EPB41L3: variants seen among roughly 807,000 people sequenced by gnomAD.
EPB41L3 encodes the protein band 4.1-like protein 3.
EPB41L3 carries 57 observed loss-of-function variants against 127.1 expected under a neutral mutation model. The ratio of observed to expected loss-of-function variants is 0.45; its 90% CI spans 0.36 to 0.56. The LOEUF (loss-of-function observed/expected upper bound fraction) is 0.56. EPB41L3 is among the 20% of genes least tolerant of loss of function. The pLI is 0.00. For missense variants in EPB41L3, 1,273 were observed against 1,372.2 expected (o/e 0.93, Z 1.14); for synonymous variants, 572 against 549.5 (o/e 1.04, Z -0.57).
chr18:5,502,665 C>G (rs988886779), intron 1 of EPB41L3, among the ~76,000 whole-genome samples: 1 of 152,190 alleles, frequency 6.6e-6, no homozygotes, highest in Admixed American at 6.5e-5. Flanking sequence ...CGAAGCGAAA[C>G]AGAGACTGGG....
At chr18:5,447,065 G>A (rs1381683367) in intron 3 of EPB41L3, among the ~76,000 whole-genome samples, 2 of 152,204 alleles carry the variant, frequency 1.3e-5, no homozygotes, top group Non-Finnish European at 2.9e-5. Context: ...TTGGATGAGA[G>A]AGGCAGACTT....
intron 3 of EPB41L3, among the ~76,000 whole-genome samples, chr18:5,466,141 T>C (rs1345039545): frequency 6.6e-6 from 1 of 152,220 alleles, no homozygotes; most frequent in African/African-American, 2.4e-5. Context: ...ATGCCAGATT[T>C]TCCCTTACTC....
chr18:5,458,713 A>G (rs1389183555), intron 3 of EPB41L3, among the ~76,000 whole-genome samples: 1 of 148,010 alleles, frequency 6.8e-6, no homozygotes, highest in Non-Finnish European at 1.5e-5. Flanking sequence ...TGTACCTAAA[A>G]AGACTGTTCT....
intron 16 of EPB41L3, among the ~76,000 whole-genome samples, chr18:5,404,848 A>G (rs931391241): frequency 6.6e-6 from 1 of 152,326 alleles, no homozygotes; most frequent in African/African-American, 2.4e-5. Flanking sequence ...ATTATTTCCA[A>G]AAGAGGTAGT....
At chr18:5,504,204 A>G (rs1339202724) in intron 1 of EPB41L3, among the ~76,000 whole-genome samples, 1 of 152,116 alleles carries the variant, frequency 6.6e-6, no homozygotes. Context: ...TCCAGACCTT[A>G]CCCAGGACTT....
chr18:5,597,777 C>T (rs1360930367), intron 3 of EPB41L3, among the ~76,000 whole-genome samples: 1 of 152,146 alleles, frequency 6.6e-6, no homozygotes, highest in African/African-American at 2.4e-5. Context: ...GTATCACTGT[C>T]TTCCACACAG....
chr18:5,602,448 T>A (rs2094601789), intron 3 of EPB41L3, among the ~76,000 whole-genome samples: 1 of 152,178 alleles, frequency 6.6e-6, no homozygotes, highest in Non-Finnish European at 1.5e-5. Context: ...TCTTCTGCTC[T>A]CTCTCACTCA....
intron 3 of EPB41L3, among the ~76,000 whole-genome samples, chr18:5,456,853 C>A (rs557947691): frequency 6.6e-6 from 1 of 152,324 alleles, no homozygotes; most frequent in Admixed American, 6.5e-5. Flanking sequence ...CTGAACCCTG[C>A]TAAGAAGATG....
At chr18:5,609,835 C>T (rs1388587129) in intron 3 of EPB41L3, among the ~76,000 whole-genome samples, 1 of 151,456 alleles carries the variant, frequency 6.6e-6, no homozygotes, top group African/African-American at 2.4e-5. Flanking sequence ...GTTGCTTTGT[C>T]ATAAAGAAGC....
chr18:5,433,978 A>C lies in EPB41L3; in HGVS notation c.749T>G (p.Ile250Ser). 6.2e-7 allele frequency: 1 copy of C among 1,614,130 alleles called. No homozygotes were observed. Among genetic ancestry groups the C allele is most frequent in the Non-Finnish European group, 8.5e-7 (1 of 1,180,032 alleles). Reference protein sequence around the residue: ...YDPDECGSDYISEFRFAPNHT... With the variant: ...YDPDECGSDYSSEFRFAPNHT... ...GTTTGGTGCAAAGCGGAACTCACTA[A>C]TGTAATCGCTCCCACATTCATCTGG... The change falls in exon 7 of 23, where the codon ATT becomes AGT. Residue 250 changes from isoleucine to serine, a missense_variant. Transcript: ENST00000341928.
chr18:5,628,077 A>G (rs1008870324), intron 1 of EPB41L3, among the ~76,000 whole-genome samples: 5 of 152,208 alleles, frequency 3.3e-5, no homozygotes, highest in Non-Finnish European at 7.3e-5. Context: ...GTGTAACGAT[A>G]TGGGCACACT....
chr18:5,449,530 G>A (rs2081996264), intron 3 of EPB41L3, among the ~76,000 whole-genome samples: 1 of 148,492 alleles, frequency 6.7e-6, no homozygotes, highest in South Asian at 2.3e-4. Context: ...GCACACAAAT[G>A]TTTATAACAG....
intron 1 of EPB41L3, among the ~76,000 whole-genome samples, chr18:5,538,995 ATTTTTT>A (rs757227800): frequency 5.2e-5 from 6 of 115,198 alleles, no homozygotes; most frequent in East Asian, 2.4e-4. Context: ...TTTCTCCAAG[ATTTTTT>A]TTTTTTTTTT....
intron 22 of EPB41L3, chr18:5,394,444 G>C (rs1433440701): frequency 2.2e-6 from 1 of 458,964 alleles, no homozygotes; most frequent in African/African-American, 1.9e-5. Flanking sequence ...TAGAAGCATA[G>C]ACTCTGCTCT....
chr18:5,433,282 C>A (rs1423215662), intron 8 of EPB41L3, among the ~76,000 whole-genome samples, 187 bp downstream of exon 8: 1 of 152,124 alleles, frequency 6.6e-6, no homozygotes. Context: ...AAAGAGCAAA[C>A]CCCTCAGTAA....
intron 2 of EPB41L3, among the ~76,000 whole-genome samples, chr18:5,485,814 A>G (rs545660666): frequency 6.6e-6 from 1 of 152,116 alleles, no homozygotes; most frequent in Non-Finnish European, 1.5e-5. Flanking sequence ...GAAAACTATA[A>G]AACTCTGATG....
chr18:5,420,321 T>C (rs532319770), intron 11 of EPB41L3: 22 of 193,668 alleles, frequency 1.1e-4, no homozygotes, highest in Non-Finnish European at 2.2e-4. Flanking sequence ...CAGTACACAA[T>C]TGCTCTAATA....
chr18:5,513,208 A>C (rs1259222982), intron 1 of EPB41L3, among the ~76,000 whole-genome samples: 1 of 152,224 alleles, frequency 6.6e-6, no homozygotes, highest in African/African-American at 2.4e-5. Flanking sequence ...ACAACAGTGC[A>C]CACATAGCTC....
intron 3 of EPB41L3, among the ~76,000 whole-genome samples, chr18:5,602,510 T>A (rs1308281214): frequency 2.0e-4 from 30 of 152,182 alleles, no homozygotes. Context: ...CTGGTATGCA[T>A]CATAGCTCAC....
Sources: allele counts gnomAD v4.1 joint callset (sites outside exome capture counted in the v4.1 genomes callset), GRCh38; gene constraint gnomAD v4.1.1; transcripts MANE v1.5; gene names NCBI Gene and HGNC (gene_info 2026-07-23, HGNC 2026-07-21).